Variants in ARHGEF38 observed in about 807,000 individuals in gnomAD.
ARHGEF38 encodes Rho guanine nucleotide exchange factor (GEF) 38.
A neutral mutation model predicts 79.9 loss-of-function variants in ARHGEF38; 79 were observed. The observed-to-expected ratio is 0.99, with a 90% CI of 0.82 to 1.19. The LOEUF (loss-of-function observed/expected upper bound fraction) is 1.19. ARHGEF38 is among the 50% of genes most tolerant of loss of function. The probability of loss-of-function intolerance (pLI) is 0.00; values close to 1 mark genes in which losing one functional copy is unlikely to be tolerated. For synonymous variants in ARHGEF38, 366 were observed against 328.3 expected (o/e 1.11, Z -1.24); for missense variants, 962 against 907.2 (o/e 1.06, Z -0.78).
At chr4:105,623,672 A>G (rs1468076785) in intron 3 of ARHGEF38, among the ~76,000 whole-genome samples, 26 of 152,198 alleles carry the variant, frequency 1.7e-4, no homozygotes, top group Non-Finnish European at 1.5e-5. Context: ...ATGCAGCTGT[A>G]TTTTTAAATG....
chr4:105,592,016 T>C (rs571873604), intron 2 of ARHGEF38, among the ~76,000 whole-genome samples: 1 of 152,354 alleles, frequency 6.6e-6, no homozygotes, highest in Admixed American at 6.5e-5. Flanking sequence ...ATTTACATAC[T>C]TATTCAAATG....
chr4:105,563,685 C>A (rs536759574), intron 1 of ARHGEF38, among the ~76,000 whole-genome samples: 225 of 152,224 alleles, frequency 1.5e-3, no homozygotes, highest in Non-Finnish European at 2.7e-3. Flanking sequence ...AGTAGTAGTA[C>A]CTGTTTTATG....
chr4:105,580,761 G>A (rs1726747621), intron 1 of ARHGEF38, among the ~76,000 whole-genome samples: 1 of 152,110 alleles, frequency 6.6e-6, no homozygotes, highest in South Asian at 2.1e-4. Context: ...TGCCTAGGCT[G>A]GAGTGCAGTG....
chr4:105,590,663 C>A (rs1727293379), intron 2 of ARHGEF38, among the ~76,000 whole-genome samples: 1 of 151,990 alleles, frequency 6.6e-6, no homozygotes, highest in Admixed American at 6.6e-5. Flanking sequence ...GAATAAATTC[C>A]TAGAAATTAA....
intron 3 of ARHGEF38, among the ~76,000 whole-genome samples, chr4:105,624,019 G>C (rs1294492341): frequency 6.6e-6 from 1 of 152,098 alleles, no homozygotes; most frequent in Admixed American, 6.6e-5. Context: ...GATCACGACA[G>C]GTTCCCATCC....
intron 1 of ARHGEF38, among the ~76,000 whole-genome samples, chr4:105,579,482 A>C (rs1726671825): frequency 6.6e-6 from 1 of 152,196 alleles, no homozygotes; most frequent in African/African-American, 2.4e-5. Flanking sequence ...GCATCTGTTC[A>C]GATGATCATG....
At chr4:105,668,671 TAGATA>T (rs1232753549) in intron 13 of ARHGEF38, among the ~76,000 whole-genome samples, 5 of 123,268 alleles carry the variant, frequency 4.1e-5, no homozygotes, top group Non-Finnish European at 7.2e-5. Context: ...TGTAGATAGA[TAGATA>T]GATAGATAGA....
chr4:105,578,480 A>G (rs1419714659), intron 1 of ARHGEF38, among the ~76,000 whole-genome samples: 1 of 151,914 alleles, frequency 6.6e-6, no homozygotes, highest in Non-Finnish European at 1.5e-5. Context: ...TTCTTTGTTG[A>G]CTTTCTGTCT....
At chr4:105,638,229 TA>T (rs1009917127) in intron 5 of ARHGEF38, among the ~76,000 whole-genome samples, 1 of 152,174 alleles carries the variant, frequency 6.6e-6, no homozygotes, top group African/African-American at 2.4e-5. Flanking sequence ...AGGTTTTTTT[TA>T]CAACCTACCT....
chr4:105,619,379 C>G (rs928221783), intron 3 of ARHGEF38, among the ~76,000 whole-genome samples: 5 of 151,976 alleles, frequency 3.3e-5, no homozygotes, highest in African/African-American at 1.2e-4. Flanking sequence ...GCCAGTCCAC[C>G]AACTGACGGG....
rs1000021911 is a variant in ARHGEF38 at position 105,578,198 on chromosome 4, G to A, written c.197-11050G>A. Among the ~76,000 whole-genome samples, 15 of 152,244 alleles carry A rather than the reference G, an allele frequency of 9.9e-5. No individual in the cohort carries two copies. In the South Asian group the frequency reaches 1.2e-3, roughly 13 times the overall value. On this transcript the variant is annotated intron_variant, in intron 1 of 13. Coordinates refer to ENST00000420470, the MANE Select transcript of ARHGEF38 (RefSeq NM_001242729.2). ...TCAGTAACCTCAAAATCATTCAGGA[G>A]CAGATCGTTTAATTTCCATGTGTTT...
intron 4 of ARHGEF38, among the ~76,000 whole-genome samples, chr4:105,635,011 T>C (rs150018442): frequency 2.0e-5 from 3 of 152,278 alleles, no homozygotes; most frequent in African/African-American, 7.2e-5. Flanking sequence ...AAAATCACTT[T>C]TGGAAAGCCC....
At position 105,653,292 on chromosome 4, in the gene ARHGEF38, CAAGTTT is replaced by C. The variant is rs201136551; in HGVS notation, c.1009-772_1009-767del. ...TTTGCTAAGATTATATATTATCCTT[CAAGTTT>C]GAGTTGATAAAGAATTTTCACATTT... On this transcript the variant is annotated intron_variant, in intron 7 of 13. Coordinates refer to ENST00000420470, the MANE Select transcript of ARHGEF38 (RefSeq NM_001242729.2). Among the ~76,000 whole-genome samples, 355 of 151,008 alleles carry C rather than the reference CAAGTTT, an allele frequency of 2.4e-3. 1 individual carries two copies. Among genetic ancestry groups the C allele is most frequent in the African/African-American group, 8.4e-3 (346 of 41,214 alleles).
chr4:105,658,434 A>G (rs1442633124), intron 9 of ARHGEF38, among the ~76,000 whole-genome samples: 1 of 152,108 alleles, frequency 6.6e-6, no homozygotes, highest in Non-Finnish European at 1.5e-5. Flanking sequence ...AAAACAAGTT[A>G]CAACTCTGTG....
chr4:105,633,563 C>T (rs1729279306), intron 4 of ARHGEF38, among the ~76,000 whole-genome samples: 1 of 152,124 alleles, frequency 6.6e-6, no homozygotes, highest in Non-Finnish European at 1.5e-5. Context: ...CCATTTTATC[C>T]TGTGCAAGGG....
intron 2 of ARHGEF38, among the ~76,000 whole-genome samples, chr4:105,594,382 T>G (rs1727482329): frequency 6.6e-6 from 1 of 152,216 alleles, no homozygotes; most frequent in African/African-American, 2.4e-5. Context: ...TGTCAAAATG[T>G]GTAGATTAAC....
chr4:105,681,585 G>T (rs903891267), downstream of ARHGEF38, among the ~76,000 whole-genome samples: 2 of 152,130 alleles, frequency 1.3e-5, no homozygotes, highest in African/African-American at 4.8e-5. Context: ...TACAACAATT[G>T]CTGGTTAATT....
At chr4:105,637,977 A>G (rs1729466998) in intron 5 of ARHGEF38, among the ~76,000 whole-genome samples, 1 of 152,144 alleles carries the variant, frequency 6.6e-6, no homozygotes, top group African/African-American at 2.4e-5. Flanking sequence ...CTGGATGCAC[A>G]TCAAAGCCAA....
At chr4:105,558,675 A>G (rs1201879433) in intron 1 of ARHGEF38, among the ~76,000 whole-genome samples, 3 of 152,198 alleles carry the variant, frequency 2.0e-5, no homozygotes, top group African/African-American at 7.2e-5. Flanking sequence ...TGTGTCAAAT[A>G]ATGTGTGAGT....
Sources: gnomAD v4.1 joint callset for allele counts (sites outside exome capture counted in the v4.1 genomes callset) on GRCh38, gnomAD v4.1.1 for gene constraint, MANE v1.5 for transcripts, NCBI Gene and HGNC (gene_info 2026-07-23, HGNC 2026-07-21) for gene names.